Variants in TCF12 observed in about 807,000 individuals in gnomAD.
TCF12 encodes the protein transcription factor 12.
A neutral mutation model predicts 86.0 loss-of-function variants in TCF12; 45 were observed. The ratio of observed to expected loss-of-function variants is 0.52; its 90% CI spans 0.41 to 0.67. The LOEUF (loss-of-function observed/expected upper bound fraction) is 0.67, where lower values mean the gene tolerates loss of function less well. TCF12 is among the 30% of genes least tolerant of loss of function. The pLI is 0.00. For missense variants in TCF12, 881 were observed against 859.9 expected (o/e 1.02, Z -0.31); for synonymous variants, 330 against 299.6 (o/e 1.10, Z -1.05).
intron 3 of TCF12, among the ~76,000 whole-genome samples, chr15:56,982,796 C>T (rs1386217513): frequency 2.0e-5 from 3 of 152,116 alleles, no homozygotes; most frequent in Admixed American, 6.6e-5. Flanking sequence ...TCATCTAATT[C>T]AAAAAGTAAC....
intron 3 of TCF12, among the ~76,000 whole-genome samples, chr15:56,967,496 C>T (rs1424033568): frequency 3.9e-5 from 6 of 152,172 alleles, no homozygotes; most frequent in African/African-American, 1.4e-4. Context: ...GCTCCTTCTC[C>T]TTCTTCTGTT....
At chr15:56,997,027 T>C (rs1373650200) in intron 3 of TCF12, among the ~76,000 whole-genome samples, 1 of 151,886 alleles carries the variant, frequency 6.6e-6, no homozygotes, top group African/African-American at 2.4e-5. Context: ...TTGGTGGGAG[T>C]GTGTAAATTA....
intron 3 of TCF12, among the ~76,000 whole-genome samples, chr15:56,963,687 C>T (rs1292302524): frequency 3.9e-5 from 6 of 152,216 alleles, no homozygotes; most frequent in African/African-American, 1.4e-4. Flanking sequence ...CCACAACCTT[C>T]TCTCACCCTT....
At chr15:57,163,364 C>G (rs765524600) in intron 5 of TCF12, among the ~76,000 whole-genome samples, 2 of 152,094 alleles carry the variant, frequency 1.3e-5, no homozygotes, top group Non-Finnish European at 2.9e-5. Flanking sequence ...AACTCTAAAT[C>G]TGACATCTGT....
At chr15:57,128,821 C>T (rs560877617) in intron 5 of TCF12, among the ~76,000 whole-genome samples, 50 of 152,226 alleles carry the variant, frequency 3.3e-4, no homozygotes, top group Non-Finnish European at 1.5e-4. Context: ...TTTTACTTAG[C>T]GTATTTTCAG....
chr15:57,137,317 T>A (rs968903394), intron 5 of TCF12, among the ~76,000 whole-genome samples: 4 of 152,198 alleles, frequency 2.6e-5, no homozygotes, highest in African/African-American at 9.6e-5. Context: ...CCAGCATTGC[T>A]TATAAATAAA....
At chr15:57,228,471 T>G (rs1215683766) in intron 8 of TCF12, among the ~76,000 whole-genome samples, 6 of 152,030 alleles carry the variant, frequency 3.9e-5, no homozygotes, top group African/African-American at 1.2e-4. Flanking sequence ...TCCATTGTTT[T>G]CAAAATCTGT....
intron 3 of TCF12, among the ~76,000 whole-genome samples, chr15:56,954,509 G>A (rs1237305116): frequency 6.6e-6 from 1 of 152,124 alleles, no homozygotes; most frequent in Non-Finnish European, 1.5e-5. Context: ...AGATAGGCAT[G>A]GGCAAGGACT....
chr15:57,070,112 C>T (rs2069241558), intron 4 of TCF12, among the ~76,000 whole-genome samples: 1 of 152,002 alleles, frequency 6.6e-6, no homozygotes, highest in Non-Finnish European at 1.5e-5. Flanking sequence ...AAGGGGAAAA[C>T]CAGTTGTGTG....
At chr15:56,963,606 A>G (rs1367945997) in intron 3 of TCF12, among the ~76,000 whole-genome samples, 1 of 151,828 alleles carries the variant, frequency 6.6e-6, no homozygotes, top group African/African-American at 2.4e-5. Flanking sequence ...TTTGATTTGG[A>G]CTCAGTGTTT....
chr15:57,275,390 T>TGTGTGTGTGTGTGTGTGTGTGTGTGTGTG (rs1555417779), intron 19 of TCF12, among the ~76,000 whole-genome samples: 1 of 136,904 alleles, frequency 7.3e-6, no homozygotes, highest in South Asian at 2.4e-4. Context: ...TCTCACTGTG[T>TGTGTGTGTGTGTGTGTGTGTGTGTGTGTG]TGCCCAGGCT....
intron 5 of TCF12, among the ~76,000 whole-genome samples, chr15:57,137,042 C>T (rs1012013517): frequency 2.2e-5 from 3 of 133,834 alleles, no homozygotes; most frequent in African/African-American, 8.5e-5. Context: ...TGCAGTGGCG[C>T]GATCTCGGCT....
intron 12 of TCF12, among the ~76,000 whole-genome samples, chr15:57,238,278 G>A (rs1444482669): frequency 1.3e-5 from 2 of 151,996 alleles, no homozygotes; most frequent in Non-Finnish European, 2.9e-5. Context: ...TAAAGATAGT[G>A]CTCTTATATG....
chr15:57,094,452 T>C (rs1162307241), intron 5 of TCF12, among the ~76,000 whole-genome samples: 3 of 152,208 alleles, frequency 2.0e-5, no homozygotes, highest in African/African-American at 7.2e-5. Flanking sequence ...TGCAGTTCTA[T>C]ACAGCAACAG....
intron 12 of TCF12, among the ~76,000 whole-genome samples, chr15:57,241,128 C>A (rs547960375): frequency 1.2e-3 from 183 of 151,634 alleles, no homozygotes; most frequent in African/African-American, 4.2e-3. Flanking sequence ...CTGTCTTACT[C>A]TGTCACCCAA....
chr15:57,064,092 C>T (rs757964507), intron 4 of TCF12, among the ~76,000 whole-genome samples: 5 of 152,146 alleles, frequency 3.3e-5, no homozygotes, highest in Non-Finnish European at 2.9e-5. Flanking sequence ...TGCATAAGTG[C>T]TCTCCATATG....
intron 5 of TCF12, among the ~76,000 whole-genome samples, chr15:57,154,964 G>A (rs1449159549): frequency 3.3e-5 from 5 of 152,038 alleles, no homozygotes; most frequent in Non-Finnish European, 5.9e-5. Context: ...ACTGTTCCAC[G>A]CACTTAAGAT....
At chr15:56,924,974 G>A (rs28639536) in intron 3 of TCF12, among the ~76,000 whole-genome samples, 44,732 of 152,054 alleles carry the variant, frequency 0.29, 7,813 homozygotes, top group African/African-American at 0.48. Context: ...CGAGGTGGGT[G>A]GATCACATGA....
At position 57,075,804 on chromosome 15, in the gene TCF12, T is replaced by TTCTC. The variant is rs1244304206; in HGVS notation, c.222+12009_222+12012dup. Among the ~76,000 whole-genome samples, 177 of 28,596 alleles carry TTCTC rather than the reference T, an allele frequency of 6.2e-3. 10 individuals carry two copies. Among genetic ancestry groups the TTCTC allele is most frequent in the Non-Finnish European group, 8.5e-3 (132 of 15,562 alleles). 18.8% of individuals were successfully genotyped at this position (28,596 alleles called of 152,430 possible). On this transcript the variant is annotated intron_variant, in intron 4 of 20. Coordinates refer to ENST00000333725, the MANE Select transcript of TCF12 (RefSeq NM_207037.2). ...TTTCTTTCTTTCTTTCTTTCTTTCT[T>TTCTC]TCTCTCTCTCTCTCTCTCTCTCTCT...
Sources: gnomAD v4.1 joint callset for allele counts (sites outside exome capture counted in the v4.1 genomes callset) on GRCh38, gnomAD v4.1.1 for gene constraint, MANE v1.5 for transcripts, NCBI Gene and HGNC (gene_info 2026-07-23, HGNC 2026-07-21) for gene names.